Variants in PARL observed in about 807,000 individuals in gnomAD.
PARL encodes the protein presenilin associated rhomboid like.
A neutral mutation model predicts 51.6 loss-of-function variants in PARL; 44 were observed. The observed-to-expected ratio is 0.85, with a 90% CI of 0.67 to 1.10. PARL has a LOEUF of 1.10. Ranked by LOEUF, PARL falls within the 50% of genes least tolerant of loss-of-function variation. PARL has a pLI of 0.00. For synonymous variants in PARL, 172 were observed against 164.0 expected (o/e 1.05, Z -0.37); for missense variants, 441 against 469.5 (o/e 0.94, Z 0.56).
chr3:183,829,413 A>C lies in PARL; in HGVS notation c.*185T>G. The C allele has an allele frequency of 1.3e-6, 2 of 1,540,014 alleles. No homozygotes were observed. The highest frequency in any genetic ancestry group is 1.7e-6 in the Non-Finnish European group (2 of 1,147,944). On this transcript the variant is annotated 3_prime_UTR_variant, in exon 10 of 10. Coordinates refer to ENST00000317096, the MANE Select transcript of PARL (RefSeq NM_018622.7). Reference sequence around the variant, plus strand: ...GCTTACAAACTAGATAGAAACCTTTATTTCACAACTTTATCATCATTCACA... The same window carrying C: ...GCTTACAAACTAGATAGAAACCTTTCTTTCACAACTTTATCATCATTCACA...
In PARL at chr3:183,843,253, A is replaced by G. The variant is rs185049350; in HGVS notation, c.608-806T>C. The G allele has an allele frequency of 4.6e-5, 45 of 985,370 alleles. No individual in the cohort carries two copies. The African/African-American group carries it at 7.1e-4, about 16-fold the overall frequency. 61.0% of individuals were successfully genotyped at this position (985,370 alleles called of 1,614,324 possible). On this transcript the variant is annotated intron_variant, in intron 5 of 9. Coordinates refer to ENST00000317096, the MANE Select transcript of PARL (RefSeq NM_018622.7). ...CTCTTTTCTACTTAGTAAGCAACCA[A>G]TAAAAACTCTCAGTTCAATGAAAGC...
chr3:183,869,338 G>T (rs1333481293), intron 1 of PARL, among the ~76,000 whole-genome samples: 1 of 151,994 alleles, frequency 6.6e-6, no homozygotes, highest in African/African-American at 2.4e-5. Context: ...ATCCCTAGTA[G>T]CTGGGATTAT....
chr3:183,839,400 A>G (rs1418485362), intron 7 of PARL, among the ~76,000 whole-genome samples: 1 of 152,180 alleles, frequency 6.6e-6, no homozygotes, highest in African/African-American at 2.4e-5. Flanking sequence ...AGACACTTAA[A>G]AAAATTTTTT....
intron 2 of PARL, 105 bp downstream of exon 2, chr3:183,867,760 T>A: frequency 4.9e-6 from 4 of 816,644 alleles, no homozygotes; most frequent in Non-Finnish European, 8.5e-6. Flanking sequence ...CTCTTTTTGA[T>A]CCCCCCTCTA....
chr3:183,856,225 T>C (rs1456253297), intron 4 of PARL, among the ~76,000 whole-genome samples: 3 of 152,208 alleles, frequency 2.0e-5, no homozygotes, highest in Non-Finnish European at 4.4e-5. Flanking sequence ...AAAACCCTTT[T>C]TCTCATTTTC....
chr3:183,837,260 G>GT (rs1029540226), intron 7 of PARL, among the ~76,000 whole-genome samples: 2 of 152,038 alleles, frequency 1.3e-5, no homozygotes, highest in African/African-American at 4.8e-5. Context: ...TTCAATCAAT[G>GT]TTGTGGTGGT....
At chr3:183,882,201 C>A (rs1464219042) in intron 1 of PARL, among the ~76,000 whole-genome samples, 7 of 61,720 alleles carry the variant, frequency 1.1e-4, no homozygotes, top group African/African-American at 3.3e-4. Context: ...AAGACAATGT[C>A]TCTAAAAAAA....
chr3:183,875,266 T>A (rs115851049), intron 1 of PARL, among the ~76,000 whole-genome samples: 7,592 of 151,676 alleles, frequency 0.05, 662 homozygotes, highest in African/African-American at 0.17. Flanking sequence ...AATACAAGAA[T>A]TACCTGGGCG....
intron 9 of PARL, among the ~76,000 whole-genome samples, chr3:183,830,825 T>C (rs1479697240): frequency 2.0e-5 from 3 of 152,226 alleles, no homozygotes; most frequent in Admixed American, 1.3e-4. Flanking sequence ...TACACATTAA[T>C]TAACAGGCAT....
chr3:183,842,910 C>T (rs1209877314), intron 5 of PARL, among the ~76,000 whole-genome samples: 2 of 149,372 alleles, frequency 1.3e-5, no homozygotes, highest in Non-Finnish European at 3.0e-5. Flanking sequence ...GCTCTGTCGC[C>T]CCAGGCTGGA....
At chr3:183,838,026 C>T (rs1040732856) in intron 7 of PARL, among the ~76,000 whole-genome samples, 2 of 145,664 alleles carry the variant, frequency 1.4e-5, no homozygotes, top group Non-Finnish European at 1.5e-5. Flanking sequence ...ATTCAACTTT[C>T]TTTTTTTTTT....
intron 1 of PARL, among the ~76,000 whole-genome samples, chr3:183,873,385 A>G (rs1216381216): frequency 5.3e-5 from 8 of 152,012 alleles, no homozygotes; most frequent in Non-Finnish European, 1.5e-5. Flanking sequence ...GCACGCCTGT[A>G]TTTTGATTAC....
At chr3:183,837,297 CAT>C (rs145753926) in intron 7 of PARL, among the ~76,000 whole-genome samples, 9,217 of 152,108 alleles carry the variant, frequency 0.061, 885 homozygotes, top group African/African-American at 0.21. Flanking sequence ...CTTTTGGCCT[CAT>C]ATCGATCATC....
At chr3:183,863,128 T>C (rs556483362) in intron 3 of PARL, among the ~76,000 whole-genome samples, 1 of 152,280 alleles carries the variant, frequency 6.6e-6, no homozygotes, top group East Asian at 1.9e-4. Context: ...GTAAAGCCCC[T>C]AGCACACTCA....
At chr3:183,832,384 A>G (rs1248269569) in intron 9 of PARL, among the ~76,000 whole-genome samples, 1 of 151,918 alleles carries the variant, frequency 6.6e-6, no homozygotes, top group Non-Finnish European at 1.5e-5. Flanking sequence ...ACGCCCGGCT[A>G]AGTTTTTTGT....
intron 1 of PARL, among the ~76,000 whole-genome samples, chr3:183,873,383 G>A (rs1733436225): frequency 6.6e-6 from 1 of 151,912 alleles, no homozygotes; most frequent in African/African-American, 2.4e-5. Flanking sequence ...GCGCACGCCT[G>A]TATTTTGATT....
At chr3:183,834,365 G>C (rs1334391311) in intron 7 of PARL, among the ~76,000 whole-genome samples, 1 of 152,200 alleles carries the variant, frequency 6.6e-6, no homozygotes, top group Non-Finnish European at 1.5e-5. Context: ...AGTGAGCTAT[G>C]ATTGCACCAC....
rs1427104419 is a variant in PARL at position 183,833,888 on chromosome 3, G to T, written c.829-63C>A. 7.9e-6 allele frequency: 8 copies of T among 1,018,116 alleles called. No individual in the cohort carries two copies. The East Asian group carries it at 1.9e-4, about 24-fold the overall frequency. The allele number at this position is 1,018,116 out of a possible 1,614,324, so 63.1% of individuals were successfully genotyped here. ...TATGCAACTGCTTAGTGGCTACAAG[G>T]TCTAAAGAGCAGCACATTTTCTAGA... On this transcript the variant is annotated intron_variant, in intron 7 of 9. Coordinates refer to ENST00000317096, the MANE Select transcript of PARL (RefSeq NM_018622.7).
intron 9 of PARL, among the ~76,000 whole-genome samples, chr3:183,830,309 G>A (rs950607723): frequency 1.3e-5 from 2 of 152,250 alleles, no homozygotes; most frequent in Non-Finnish European, 2.9e-5. Flanking sequence ...GAGAGGTTTA[G>A]TAACTTCGCC....
Sources: allele counts gnomAD v4.1 joint callset (sites outside exome capture counted in the v4.1 genomes callset), GRCh38; gene constraint gnomAD v4.1.1; transcripts MANE v1.5; gene names NCBI Gene and HGNC (gene_info 2026-07-23, HGNC 2026-07-21).